The following FHDC1 variants were observed in gnomAD, a reference collection of about 807,000 sequenced individuals.
FHDC1 encodes the protein FH2 domain containing 1.
In FHDC1, 25 loss-of-function variants were observed where a neutral mutation model predicts 52.6. The observed-to-expected ratio is 0.48, with a 90% CI of 0.35 to 0.66. The LOEUF is 0.66. Ranked by LOEUF, FHDC1 falls within the 30% of genes least tolerant of loss-of-function variation. The probability of loss-of-function intolerance (pLI) is 0.01; values close to 1 mark genes in which losing one functional copy is unlikely to be tolerated. For synonymous variants in FHDC1, 616 were observed against 581.5 expected, an observed-to-expected ratio of 1.06 and a Z score of -0.85; for missense variants, 1,459 against 1,452.8, an observed-to-expected ratio of 1.00 and a Z score of -0.07.
chr4:152,939,120 G>A (rs551075882), intron 1 of FHDC1, among the ~76,000 whole-genome samples: 3 of 152,118 alleles, frequency 2.0e-5, no homozygotes, highest in South Asian at 2.1e-4. Flanking sequence ...TGGCTCTGTC[G>A]CCACGCTGGA....
the FHDC1 span, chr4:152,911,348 G>A: frequency 6.6e-6 from 1 of 152,568 alleles, no homozygotes; most frequent in Non-Finnish European, 1.5e-5. Context: ...TGAGGATTGG[G>A]AAAACAGAAA....
chr4:152,975,021 G>A lies in FHDC1; in HGVS notation c.1730G>A (p.Arg577Gln), dbSNP rs374872833. 59 of 1,612,510 alleles carry A rather than the reference G, an allele frequency of 3.7e-5. No individual in the cohort carries two copies. Among genetic ancestry groups the A allele is most frequent in the South Asian group, 1.9e-4 (17 of 91,072 alleles). Residue 577 changes from arginine to glutamine, a missense_variant, in exon 12 of 12, where the codon CGG becomes CAG. By Grantham distance (43) the Arg-to-Gln change is conservative (BLOSUM62 1). Transcript: ENST00000511601. Reference sequence around the variant, plus strand: ...CACAGCCTGCCCCGGAGCAGCCCCCGGCAGGCCCGGCCCACGATAGCCTGC... The same window carrying A: ...CACAGCCTGCCCCGGAGCAGCCCCCAGCAGGCCCGGCCCACGATAGCCTGC... ...KFHSLPRSSP[R>Q]QARPTIACLE...
the FHDC1 span, among the ~76,000 whole-genome samples, chr4:152,915,286 T>C: frequency 6.6e-6 from 1 of 152,164 alleles, no homozygotes; most frequent in South Asian, 2.1e-4. Flanking sequence ...CTAAGTTTTG[T>C]GCGTTTAGTA....
intron 2 of FHDC1, among the ~76,000 whole-genome samples, chr4:152,947,723 A>T (rs1407792350): frequency 6.6e-6 from 1 of 152,216 alleles, no homozygotes; most frequent in Non-Finnish European, 1.5e-5. Flanking sequence ...GAAACACCTC[A>T]GGTCATTCAC....
chr4:152,976,841 T>C lies in FHDC1; in HGVS notation c.*118T>C, dbSNP rs564427638. The C allele has an allele frequency of 1.8e-4, 231 of 1,311,244 alleles. No homozygotes were observed. In the African/African-American group the frequency reaches 2.9e-3, roughly 16 times the overall value. 81.2% of individuals were successfully genotyped at this position (1,311,244 alleles called of 1,614,324 possible). A position where few individuals can be genotyped will look rare whatever the true frequency, so the allele number is the denominator to read the frequency against. On this transcript the variant is annotated 3_prime_UTR_variant, in exon 12 of 12. Coordinates refer to ENST00000511601, the MANE Select transcript of FHDC1 (RefSeq NM_001371116.1). ...CAGATAAAGCAGCCACTGGTGCCAC[T>C]GCTAGTGACGCTGTTGGGATGGCAC...
intron 10 of FHDC1, 53 bp downstream of exon 10, chr4:152,968,150 C>T (rs565736982): frequency 2.6e-5 from 35 of 1,328,528 alleles, no homozygotes; most frequent in East Asian, 2.6e-4. Flanking sequence ...AGCAGCACCC[C>T]GGGGCTGGTT....
At chr4:152,918,170 A>T in the FHDC1 span, among the ~76,000 whole-genome samples, 42 of 152,350 alleles carry the variant, frequency 2.8e-4, no homozygotes, top group African/African-American at 8.7e-4. Flanking sequence ...GACTAGAGCA[A>T]TGAAAACAAG....
In FHDC1 at chr4:152,976,623, C is replaced by A. The variant is rs139837077; in HGVS notation, c.3332C>A (p.Ala1111Asp). 6.0e-4 allele frequency: 964 copies of A among 1,607,780 alleles called. 1 individual carries two copies. Among genetic ancestry groups the A allele is most frequent in the Non-Finnish European group, 6.7e-4 (791 of 1,176,972 alleles). The change falls in exon 12 of 12, where the codon GCC becomes GAC. Residue 1111 changes from alanine (A) to aspartate (D), a missense_variant. Ala to Asp is a moderately radical substitution (Grantham distance 126, BLOSUM62 -2). This residue lies in a region of FHDC1 where 939 missense variants were observed against 854.5 expected (regional missense o/e 1.10). Coordinates refer to ENST00000511601, the MANE Select transcript of FHDC1 (RefSeq NM_001371116.1). ...GAGGGTCCCAGTGCCAACACGGAGG[C>A]CCCTCTGAAGGCCAGAGGGGCTGGG... ...SAEGPSANTE[A>D]PLKARGAGER...
intron 1 of FHDC1, among the ~76,000 whole-genome samples, chr4:152,942,152 A>C (rs778383864): frequency 2.6e-5 from 4 of 152,242 alleles, no homozygotes; most frequent in Non-Finnish European, 4.4e-5. Flanking sequence ...TGTCAGAAGC[A>C]GAAGAGGTAG....
At chr4:152,958,511 C>T (rs944990118) in intron 4 of FHDC1, among the ~76,000 whole-genome samples, 6 of 150,938 alleles carry the variant, frequency 4.0e-5, no homozygotes, top group African/African-American at 1.5e-4. Context: ...TTTTTTTTAG[C>T]TTTTTACATA....
chr4:152,957,212 C>G (rs760244820), intron 4 of FHDC1, among the ~76,000 whole-genome samples: 1 of 152,220 alleles, frequency 6.6e-6, no homozygotes, highest in Non-Finnish European at 1.5e-5. Flanking sequence ...ACGCTCTGTG[C>G]TCATTTTTAG....
rs34181980 is a variant in FHDC1, at chr4:152,962,940, GGTGTGTGTGTGTGT to G, written c.922-54_922-41del. 1.4e-4 allele frequency: 130 copies of G among 936,460 alleles called. 1 individual carries two copies. The highest frequency in any genetic ancestry group is 2.2e-4 in the Admixed American group (11 of 50,142). The allele number at this position is 936,460 out of a possible 1,614,324, so 58.0% of individuals were successfully genotyped here. A position where few individuals can be genotyped will look rare whatever the true frequency, so the allele number is the denominator to read the frequency against. ...ATGTTTTCAACCTTGTCTATCTAAA[GGTGTGTGTGTGTGT>G]GTGTGTGTGTGTGTGTGTGTGTGTG... On this transcript the variant is annotated intron_variant, in intron 7 of 11. Transcript: ENST00000511601.
chr4:152,973,357 T>A (rs1383810635), intron 11 of FHDC1, among the ~76,000 whole-genome samples: 1 of 152,230 alleles, frequency 6.6e-6, no homozygotes. Flanking sequence ...AAGCCCAGAA[T>A]TGCTTTGTGT....
chr4:152,960,936 T>C (rs1740262417), intron 6 of FHDC1, 92 bp downstream of exon 6: 1 of 878,152 alleles, frequency 1.1e-6, no homozygotes, highest in East Asian at 2.7e-5. Flanking sequence ...ACATGGAAAG[T>C]CCTGAATTTC....
At chr4:152,940,040 C>T (rs1189387631) in intron 1 of FHDC1, among the ~76,000 whole-genome samples, 8 of 152,252 alleles carry the variant, frequency 5.3e-5, no homozygotes, top group African/African-American at 1.9e-4. Flanking sequence ...GTTTGCATCT[C>T]TACTGCGGGC....
At position 152,976,944 on chromosome 4, in the gene FHDC1, C is replaced by T. The variant is rs1219014888; in HGVS notation, c.*221C>T. 2.2e-6 allele frequency: 1 copy of T among 450,822 alleles called. No individual in the cohort carries two copies. Among genetic ancestry groups the T allele is most frequent in the Non-Finnish European group, 3.7e-6 (1 of 269,774 alleles). The allele number at this position is 450,822 out of a possible 1,614,324, so 27.9% of individuals were successfully genotyped here. On this transcript the variant is annotated 3_prime_UTR_variant, in exon 12 of 12. Transcript: ENST00000511601. ...CAGCGTCCAGATGGATGCACGTTCA[C>T]TACTGTGACGGCCGCACCTCCCCCA... is the stretch of plus-strand genomic sequence containing the variant.
At chr4:152,949,485 A>C (rs1739858913) in intron 2 of FHDC1, among the ~76,000 whole-genome samples, 1 of 152,302 alleles carries the variant, frequency 6.6e-6, no homozygotes, top group South Asian at 2.1e-4. Flanking sequence ...GTCTCTAAAA[A>C]AATAAATAAA....
chr4:152,943,593 T>C (rs1739642810), intron 2 of FHDC1, 38 bp downstream of exon 2: 3 of 1,568,434 alleles, frequency 1.9e-6, no homozygotes, highest in Non-Finnish European at 2.6e-6. Flanking sequence ...CTCCACACAC[T>C]GCATTGTTTT....
chr4:152,939,557 T>G (rs1400657382), intron 1 of FHDC1, among the ~76,000 whole-genome samples: 3 of 152,120 alleles, frequency 2.0e-5, no homozygotes, highest in Admixed American at 6.5e-5. Context: ...TTCTAAGATT[T>G]TTTGTCTGCC....
Sources: allele counts gnomAD v4.1 joint callset (sites outside exome capture counted in the v4.1 genomes callset), GRCh38; gene constraint gnomAD v4.1.1; regional missense constraint gnomAD v4.1.1; transcripts MANE v1.5; gene names NCBI Gene and HGNC (gene_info 2026-07-23, HGNC 2026-07-21).